SPHKAP: variants seen among roughly 807,000 people sequenced by gnomAD.
The protein encoded by SPHKAP is SPHK1 interactor, AKAP domain containing.
SPHKAP carries 67 observed loss-of-function variants against 137.5 expected under a neutral mutation model. That is an observed-to-expected ratio of 0.49 (90% CI 0.40 to 0.60). The LOEUF (loss-of-function observed/expected upper bound fraction) is 0.60. SPHKAP is among the 20% of genes least tolerant of loss of function. SPHKAP has a pLI of 0.00. For synonymous variants in SPHKAP, 813 were observed against 785.3 expected, an observed-to-expected ratio of 1.04 and a Z score of -0.59; for missense variants, 2,097 against 2,069.3, an observed-to-expected ratio of 1.01 and a Z score of -0.26.
chr2:227,999,880 T>C (rs780101611), intron 7 of SPHKAP, among the ~76,000 whole-genome samples: 2 of 152,256 alleles, frequency 1.3e-5, no homozygotes, highest in African/African-American at 2.4e-5. Flanking sequence ...CAGAAGACTA[T>C]GTCATATCAA....
intron 1 of SPHKAP, among the ~76,000 whole-genome samples, chr2:228,153,033 T>C (rs563426845): frequency 9.2e-5 from 14 of 152,282 alleles, no homozygotes; most frequent in African/African-American, 3.4e-4. Flanking sequence ...CCCCTTTCAC[T>C]TGGCTCTCAT....
chr2:228,005,882 C>T (rs1337320869), intron 7 of SPHKAP, among the ~76,000 whole-genome samples: 2 of 150,982 alleles, frequency 1.3e-5, no homozygotes, highest in Admixed American at 6.6e-5. Flanking sequence ...TTGGCCCCCA[C>T]TCTGTAGAGT....
chr2:228,069,045 T>TC (rs1164450694), intron 3 of SPHKAP, among the ~76,000 whole-genome samples: 4 of 152,092 alleles, frequency 2.6e-5, no homozygotes, highest in Non-Finnish European at 5.9e-5. Context: ...GGCAGGTGGA[T>TC]CACTTGAAGT....
At chr2:228,079,317 T>A (rs1021083305) in intron 3 of SPHKAP, among the ~76,000 whole-genome samples, 2 of 152,296 alleles carry the variant, frequency 1.3e-5, no homozygotes, top group Admixed American at 1.3e-4. Context: ...GCCACTCACC[T>A]CCTGTTGCAT....
chr2:228,030,957 T>C (rs1199710263), intron 3 of SPHKAP, among the ~76,000 whole-genome samples: 2 of 152,222 alleles, frequency 1.3e-5, no homozygotes, highest in African/African-American at 4.8e-5. Context: ...GTGTGAGCGA[T>C]GCAGAAGATG....
At chr2:228,093,744 G>T (rs1697886975) in intron 3 of SPHKAP, among the ~76,000 whole-genome samples, 1 of 150,284 alleles carries the variant, frequency 6.7e-6, no homozygotes, top group Admixed American at 6.7e-5. Context: ...TGTAATCTCA[G>T]CTACTCAAGA....
In SPHKAP at chr2:228,001,711, C is replaced by T. The variant is rs561573288; in HGVS notation, c.4449-6017G>A. On this transcript the variant is annotated intron_variant, in intron 7 of 11. Transcript: ENST00000392056. The stretch of plus-strand genomic sequence containing the variant: ...ATTAGGTATATCTCCTAATGCTATC[C>T]CTCCCCGCTCCCCGCAGCCCACAAC... Among the ~76,000 whole-genome samples, 8 of 151,728 alleles carry T rather than the reference C, an allele frequency of 5.3e-5. No homozygotes were observed. The South Asian group carries it at 1.7e-3, about 32-fold the overall frequency.
chr2:227,984,200 T>C (rs1482640921), intron 11 of SPHKAP, among the ~76,000 whole-genome samples: 1 of 149,936 alleles, frequency 6.7e-6, no homozygotes, highest in East Asian at 2.0e-4. Context: ...CTCAGGAGGC[T>C]GAGGCAGGAG....
chr2:228,166,432 G>A (rs562975253), intron 1 of SPHKAP, among the ~76,000 whole-genome samples: 73 of 152,012 alleles, frequency 4.8e-4, no homozygotes, highest in Admixed American at 7.2e-4. Flanking sequence ...AGTTTTATGC[G>A]CCCACACATA....
At chr2:228,020,256 A>C in intron 6 of SPHKAP, 100 bp from the exon 7 acceptor site, 1 of 1,454,148 alleles carries the variant, frequency 6.9e-7, no homozygotes, top group South Asian at 1.4e-5. Context: ...ATCAATAAAG[A>C]CACATGCACA....
intron 2 of SPHKAP, among the ~76,000 whole-genome samples, chr2:228,122,289 A>AT (rs911330175): frequency 1.3e-4 from 20 of 151,614 alleles, no homozygotes; most frequent in South Asian, 2.1e-4. Flanking sequence ...CCCCCTTTTG[A>AT]TTTTTTTTTA....
chr2:227,995,836 G>A, intron 7 of SPHKAP, 142 bp from the exon 8 acceptor site: 1 of 1,251,526 alleles, frequency 8.0e-7, no homozygotes, highest in Non-Finnish European at 1.0e-6. Context: ...TCCTTCTGCT[G>A]GTGCCCTAGG....
chr2:228,114,980 C>G (rs1206398013), intron 2 of SPHKAP, among the ~76,000 whole-genome samples: 1 of 152,094 alleles, frequency 6.6e-6, no homozygotes, highest in Non-Finnish European at 1.5e-5. Context: ...GTCAGTTCTC[C>G]CTGGAGGAGG....
In SPHKAP at chr2:228,007,880, C is replaced by A. The variant is rs533600901; in HGVS notation, c.4448+8526G>T. ...ACATAGAGAAGACTAAAAATGGACC[C>A]TTTTCTCACCTCTTATATAAAAATC... On this transcript the variant is annotated intron_variant, in intron 7 of 11. Transcript: ENST00000392056. 4.6e-5 allele frequency among the ~76,000 whole-genome samples: 7 copies of A among 152,102 alleles called. No homozygotes were observed. The South Asian group carries it at 6.2e-4, about 14-fold the overall frequency.
intron 5 of SPHKAP, among the ~76,000 whole-genome samples, chr2:228,022,593 C>T (rs559587330): frequency 6.6e-6 from 1 of 152,220 alleles, no homozygotes; most frequent in African/African-American, 2.4e-5. Flanking sequence ...AAAGACATTT[C>T]TGGGTATAAA....
chr2:228,011,717 A>C (rs1362614814), intron 7 of SPHKAP, among the ~76,000 whole-genome samples: 6 of 152,126 alleles, frequency 3.9e-5, no homozygotes, highest in Non-Finnish European at 8.8e-5. Flanking sequence ...TTTTTAATTG[A>C]CAGTAATTGT....
chr2:228,021,739 C>T lies in SPHKAP; in HGVS notation c.669G>A (p.Glu223=), dbSNP rs1318393493. Reference sequence around the variant, plus strand: ...TCCTAGATTCATCCACCTCGCTTTCCTCCTCCAAGTGCTCAGAAGCGGTGA... The same window carrying T: ...TCCTAGATTCATCCACCTCGCTTTCTTCCTCCAAGTGCTCAGAAGCGGTGA... The part of the protein sequence containing the change: ...DFLTASEHLE[E]ESEVDESRND... The change falls in exon 6 of 12, where the codon GAG becomes GAA. Residue 223 remains glutamate, a synonymous_variant. Coordinates refer to ENST00000392056, the MANE Select transcript of SPHKAP (RefSeq NM_001142644.2). 6.2e-7 allele frequency: 1 copy of T among 1,613,436 alleles called. No homozygotes were observed. Among genetic ancestry groups the T allele is most frequent in the African/African-American group, 1.3e-5 (1 of 74,910 alleles).
intron 3 of SPHKAP, among the ~76,000 whole-genome samples, chr2:228,065,988 AGAGAAG>A (rs1696816585): frequency 6.6e-6 from 1 of 152,202 alleles, no homozygotes; most frequent in Non-Finnish European, 1.5e-5. Flanking sequence ...AATACAAGTG[AGAGAAG>A]CTAAGGAGCA....
intron 4 of SPHKAP, 37 bp from the exon 5 acceptor site, chr2:228,025,565 C>A (rs1280282566): frequency 1.9e-6 from 3 of 1,609,942 alleles, no homozygotes; most frequent in South Asian, 2.2e-5. Flanking sequence ...TAGCTGATTT[C>A]TTTTCACCAA....
Sources: allele counts gnomAD v4.1 joint callset (sites outside exome capture counted in the v4.1 genomes callset), GRCh38; gene constraint gnomAD v4.1.1; transcripts MANE v1.5; gene names NCBI Gene and HGNC (gene_info 2026-07-23, HGNC 2026-07-21).